Variants in DTNA observed in about 807,000 individuals in gnomAD.
DTNA encodes the protein dystrobrevin alpha, also known as dystrophin-related protein 3.
Under a neutral mutation model 100.7 loss-of-function variants are expected in DTNA, and 43 were observed. That is an observed-to-expected ratio of 0.43 (90% CI 0.33 to 0.55). The LOEUF is 0.55. DTNA is among the 20% of genes least tolerant of loss of function. DTNA has a pLI of 0.04. For missense variants in DTNA, 798 were observed against 953.9 expected (o/e 0.84, Z 2.15); for synonymous variants, 349 against 347.9 (o/e 1.00, Z -0.04).
At chr18:34,775,346 C>G (rs1001539688) in intron 3 of DTNA, among the ~76,000 whole-genome samples, 1 of 151,996 alleles carries the variant, frequency 6.6e-6, no homozygotes, top group African/African-American at 2.4e-5. Flanking sequence ...ATTAACCAGG[C>G]TTGGTGGTGG....
intron 1 of DTNA, among the ~76,000 whole-genome samples, chr18:34,713,517 G>A (rs2146591888): frequency 6.6e-6 from 1 of 152,054 alleles, no homozygotes; most frequent in African/African-American, 2.4e-5. Flanking sequence ...CCAGTACCAT[G>A]CTGTTTTGGT....
At chr18:34,740,786 A>G (rs973529886) in intron 1 of DTNA, among the ~76,000 whole-genome samples, 7 of 151,202 alleles carry the variant, frequency 4.6e-5, no homozygotes, top group African/African-American at 1.7e-4. Context: ...GCAGGGTGAG[A>G]TGCTGTCTCA....
intron 2 of DTNA, among the ~76,000 whole-genome samples, chr18:34,764,962 C>A (rs143290692): frequency 4.5e-4 from 69 of 152,282 alleles, no homozygotes; most frequent in African/African-American, 1.6e-3. Flanking sequence ...GAGATTAACT[C>A]ATTCAAAGGA....
chr18:34,861,812 A>C (rs2096631309), intron 16 of DTNA, among the ~76,000 whole-genome samples: 1 of 152,190 alleles, frequency 6.6e-6, no homozygotes, highest in African/African-American at 2.4e-5. Context: ...ATGTACAATT[A>C]GATTTTTTTA....
chr18:34,523,074 C>A (rs2042293989), intron 1 of DTNA, among the ~76,000 whole-genome samples: 1 of 152,088 alleles, frequency 6.6e-6, no homozygotes, highest in South Asian at 2.1e-4. Context: ...TGTTAGAGAC[C>A]CTCTTTACTC....
chr18:34,747,852 G>A (rs115323668), intron 1 of DTNA, among the ~76,000 whole-genome samples: 1,568 of 152,152 alleles, frequency 0.01, 27 homozygotes, highest in African/African-American at 0.031. Context: ...TGGATCAAAT[G>A]GTAGTTCTAC....
rs2149448019 is a variant in DTNA at position 34,820,922 on chromosome 18, A to G, written c.1001+7A>G. ...TCAACTTGGCTCACATCGTGTGAGT[A>G]TCCCTACCCTCCCAGTATAGAGACA... is the stretch of plus-strand genomic sequence containing the variant. On this transcript the variant is annotated splice_region_variant and intron_variant, in intron 9 of 22. Coordinates refer to ENST00000444659, the MANE Select transcript of DTNA (RefSeq NM_001386795.1). 12 of 1,612,796 alleles carry G rather than the reference A, an allele frequency of 7.4e-6. No individual in the cohort carries two copies. Among genetic ancestry groups the G allele is most frequent in the Non-Finnish European group, 9.3e-6 (11 of 1,179,780 alleles).
chr18:34,573,595 G>A (rs1216244413), intron 1 of DTNA, among the ~76,000 whole-genome samples: 5 of 152,018 alleles, frequency 3.3e-5, no homozygotes, highest in African/African-American at 1.2e-4. Flanking sequence ...AATTAAAATT[G>A]TATACATTTA....
At chr18:34,693,284 A>G (rs1416161747) in intron 1 of DTNA, among the ~76,000 whole-genome samples, 2 of 152,196 alleles carry the variant, frequency 1.3e-5, no homozygotes, top group African/African-American at 2.4e-5. Flanking sequence ...TCCTAATTAT[A>G]TTTGCCATAG....
intron 20 of DTNA, among the ~76,000 whole-genome samples, chr18:34,880,897 T>C (rs1251467453): frequency 6.6e-6 from 1 of 152,248 alleles, no homozygotes; most frequent in East Asian, 1.9e-4. Context: ...TGTCATCTGT[T>C]TTGTCTGGTA....
intron 1 of DTNA, among the ~76,000 whole-genome samples, chr18:34,510,960 T>C (rs533946642): frequency 1.3e-5 from 2 of 152,066 alleles, no homozygotes; most frequent in African/African-American, 4.8e-5. Flanking sequence ...AATGTAAGAA[T>C]GGAGATTGGT....
intron 1 of DTNA, among the ~76,000 whole-genome samples, chr18:34,511,535 A>G (rs1330018340): frequency 6.6e-6 from 1 of 152,100 alleles, no homozygotes; most frequent in East Asian, 1.9e-4. Flanking sequence ...AAGCAATCAA[A>G]TGGGGCCAGC....
Position 34,756,044 on chromosome 18 carries a change from G to C in DTNA, c.67+1G>C. 1 of 1,612,878 alleles carries C rather than the reference G, an allele frequency of 6.2e-7. No homozygotes were observed. Among genetic ancestry groups the C allele is most frequent in the African/African-American group, 1.3e-5 (1 of 75,022 alleles). ...AGAAGACAGCTGTTTGCAGAGATGA[G>C]TAAGTATGGATCTTTTAAGGAACAC... On this transcript the variant is annotated splice_donor_variant, in intron 2 of 22. Transcript: ENST00000444659. LOFTEE classifies it high-confidence loss of function.
chr18:34,575,540 A>G (rs1304721811), intron 1 of DTNA, among the ~76,000 whole-genome samples: 2 of 150,568 alleles, frequency 1.3e-5, no homozygotes, highest in East Asian at 3.9e-4. Flanking sequence ...TTGAAATTTC[A>G]ACCTCCTTTT....
intron 1 of DTNA, among the ~76,000 whole-genome samples, chr18:34,631,196 C>G (rs1429363797): frequency 6.6e-6 from 1 of 152,120 alleles, no homozygotes; most frequent in Non-Finnish European, 1.5e-5. Flanking sequence ...AATTCTACCA[C>G]TTAGTAGCTA....
chr18:34,563,783 A>G (rs1286879097), intron 1 of DTNA, among the ~76,000 whole-genome samples: 2 of 152,366 alleles, frequency 1.3e-5, no homozygotes, highest in East Asian at 3.9e-4. Context: ...ACACTAAACT[A>G]CATTCAGAAA....
At chr18:34,605,038 T>C (rs1281421873) in intron 1 of DTNA, among the ~76,000 whole-genome samples, 1 of 151,958 alleles carries the variant, frequency 6.6e-6, no homozygotes, top group Non-Finnish European at 1.5e-5. Flanking sequence ...AACATCCAAG[T>C]GATAAGTCTG....
chr18:34,734,580 ACT>A (rs2089124982), intron 1 of DTNA, among the ~76,000 whole-genome samples: 2 of 151,902 alleles, frequency 1.3e-5, no homozygotes, highest in African/African-American at 2.4e-5. Flanking sequence ...AGGAGATAAG[ACT>A]CTCATTCAGG....
intron 3 of DTNA, among the ~76,000 whole-genome samples, chr18:34,768,216 A>G (rs1461637033): frequency 6.6e-6 from 1 of 152,200 alleles, no homozygotes; most frequent in African/African-American, 2.4e-5. Context: ...TGTCCTCCTT[A>G]GAGCTTTGCC....
Sources: allele counts gnomAD v4.1 joint callset (sites outside exome capture counted in the v4.1 genomes callset), GRCh38; gene constraint gnomAD v4.1.1; transcripts MANE v1.5; gene names NCBI Gene and HGNC (gene_info 2026-07-23, HGNC 2026-07-21).